XPO4: variants seen among roughly 807,000 people sequenced by gnomAD.
The protein encoded by XPO4 is exportin 4, also known as exportin-4.
Under a neutral mutation model 143.0 loss-of-function variants are expected in XPO4, and 39 were observed. The observed-to-expected ratio is 0.27, with a 90% confidence interval of 0.21 to 0.36. XPO4 has a LOEUF of 0.36. XPO4 is among the 10% of genes least tolerant of loss of function. XPO4 has a pLI of 1.00. For missense variants in XPO4, 907 were observed against 1,348.0 expected, an observed-to-expected ratio of 0.67 and a Z score of 5.12; for synonymous variants, 439 against 474.0, an observed-to-expected ratio of 0.93 and a Z score of 0.96.
intron 3 of XPO4, among the ~76,000 whole-genome samples, chr13:20,858,475 T>C (rs1286948206): frequency 6.6e-6 from 1 of 152,014 alleles, no homozygotes; most frequent in African/African-American, 2.4e-5. Context: ...TGTGACAAAA[T>C]GTTAACTGAG....
chr13:20,786,760 T>C (rs949649317), intron 22 of XPO4, among the ~76,000 whole-genome samples: 1 of 152,142 alleles, frequency 6.6e-6, no homozygotes, highest in East Asian at 1.9e-4. Context: ...AATAAATGCT[T>C]TGAACTGACA....
At chr13:20,859,369 A>G (rs111976996) in intron 3 of XPO4, among the ~76,000 whole-genome samples, 14 of 152,242 alleles carry the variant, frequency 9.2e-5, no homozygotes, top group African/African-American at 3.4e-4. Flanking sequence ...GGTAGGCTGA[A>G]GCAGGCGGAT....
intron 2 of XPO4, chr13:20,865,688 T>A (rs1465507286): frequency 6.5e-6 from 5 of 773,936 alleles, no homozygotes; most frequent in Admixed American, 6.3e-5. Context: ...AAAGTTTTTT[T>A]AAAAAAGAAA....
At chr13:20,843,934 G>A (rs374626886) in intron 4 of XPO4, 48 bp from the exon 5 acceptor site, 15 of 1,402,106 alleles carry the variant, frequency 1.1e-5, no homozygotes, top group African/African-American at 4.2e-5. Context: ...CTGTTTCAAC[G>A]CTTTGTTTCA....
At position 20,796,787 on chromosome 13, in the gene XPO4, T is replaced by A; in HGVS notation, c.2593A>T (p.Lys865Ter). The A allele has an allele frequency of 6.2e-7, 1 of 1,612,982 alleles. No homozygotes were observed. Among genetic ancestry groups the A allele is most frequent in the Non-Finnish European group, 8.5e-7 (1 of 1,179,482 alleles). The part of the protein sequence containing the change: ...IIEVFVEVAH[K>*]QICYLGESKA... ...ACCTCTCCAAGATAGCATATCTGTTTATGTGCAACTTCAACAAAAACTTCT... is the reference window on the plus strand; with the variant it reads ...ACCTCTCCAAGATAGCATATCTGTTAATGTGCAACTTCAACAAAAACTTCT... The change falls in exon 17 of 23, where the codon AAA becomes TAA. Residue 865 changes from lysine (K) to a stop codon, truncating the protein, a stop_gained. Transcript: ENST00000255305. LOFTEE classifies it high-confidence loss of function.
chr13:20,824,790 T>C (rs2059763714), intron 7 of XPO4, among the ~76,000 whole-genome samples: 1 of 152,116 alleles, frequency 6.6e-6, no homozygotes, highest in African/African-American at 2.4e-5. Context: ...GGCAAGGATA[T>C]GCATCAAGAA....
chr13:20,796,257 C>G lies in XPO4; in HGVS notation c.2617-1G>C. On this transcript the variant is annotated splice_acceptor_variant, in intron 17 of 22. Transcript: ENST00000255305. LOFTEE classifies it high-confidence loss of function. Reference sequence around the variant, plus strand: ...CTTCATATAAGTTCATAGCTTTGGACTGAAAAAAAAAAAAATGCACAAATT... The same window carrying G: ...CTTCATATAAGTTCATAGCTTTGGAGTGAAAAAAAAAAAAATGCACAAATT... 1 of 1,537,090 alleles carries G rather than the reference C, an allele frequency of 6.5e-7. No homozygotes were observed. Among genetic ancestry groups the G allele is most frequent in the Non-Finnish European group, 8.7e-7 (1 of 1,147,222 alleles).
chr13:20,790,776 G>T (rs912751361), intron 18 of XPO4, among the ~76,000 whole-genome samples, 196 bp from the exon 19 acceptor site: 3 of 152,204 alleles, frequency 2.0e-5, no homozygotes, highest in East Asian at 1.9e-4. Flanking sequence ...GTGAAAAAAA[G>T]ATCTGAGACC....
At chr13:20,831,927 T>C (rs181621110) in intron 6 of XPO4, among the ~76,000 whole-genome samples, 56 of 151,070 alleles carry the variant, frequency 3.7e-4, no homozygotes, top group African/African-American at 1.1e-3. Context: ...TCTAAGCTCA[T>C]TGCCATCATA....
At chr13:20,792,639 C>A (rs1441221774) in intron 18 of XPO4, among the ~76,000 whole-genome samples, 4 of 146,354 alleles carry the variant, frequency 2.7e-5, no homozygotes, top group Non-Finnish European at 4.5e-5. Flanking sequence ...CCCAGCTACT[C>A]GTAAGGCTGA....
In XPO4 at chr13:20,851,704, G is replaced by A. The variant is rs1426270930; in HGVS notation, c.456+3923C>T. On this transcript the variant is annotated intron_variant, in intron 4 of 22. Coordinates refer to ENST00000255305, the MANE Select transcript of XPO4 (RefSeq NM_022459.5). ...CAGCCGAGGCAACAGAGCAAGACCCGGTCTCACAAAAAAAAAAAAAAAAAA... is the reference window on the plus strand; with the variant it reads ...CAGCCGAGGCAACAGAGCAAGACCCAGTCTCACAAAAAAAAAAAAAAAAAA... 1.3e-4 allele frequency: 114 copies of A among 871,774 alleles called. No homozygotes were observed. In the African/African-American group the frequency reaches 2.6e-3, roughly 20 times the overall value. 54.0% of individuals were successfully genotyped at this position (871,774 alleles called of 1,614,324 possible).
chr13:20,797,879 G>A (rs2059379104), intron 16 of XPO4, among the ~76,000 whole-genome samples: 1 of 152,222 alleles, frequency 6.6e-6, no homozygotes, highest in Non-Finnish European at 1.5e-5. Context: ...GCCGGATGCA[G>A]TGGCTCACAC....
intron 1 of XPO4, among the ~76,000 whole-genome samples, chr13:20,896,008 T>A (rs1413454935): frequency 1.3e-5 from 2 of 152,158 alleles, no homozygotes; most frequent in Non-Finnish European, 2.9e-5. Context: ...AGAAGTGAAA[T>A]AGCTGGGGGT....
rs902851474 is a variant in XPO4 at position 20,779,033 on chromosome 13, A to G, written c.*4689T>C. Reference sequence around the variant, plus strand: ...ATTGCAGCATCTTCTGAAAAACTAAATGCAATTTTATACCTTCATTAGTTA... The same window carrying G: ...ATTGCAGCATCTTCTGAAAAACTAAGTGCAATTTTATACCTTCATTAGTTA... On this transcript the variant is annotated 3_prime_UTR_variant, in exon 23 of 23. Coordinates refer to ENST00000255305, the MANE Select transcript of XPO4 (RefSeq NM_022459.5). 6.6e-6 allele frequency: 1 copy of G among 152,202 alleles called. No homozygotes were observed. Among genetic ancestry groups the G allele is most frequent in the Non-Finnish European group, 1.5e-5 (1 of 68,028 alleles). 9.4% of individuals were successfully genotyped at this position (152,202 alleles called of 1,614,324 possible). A position where few individuals can be genotyped will look rare whatever the true frequency, so the allele number is the denominator to read the frequency against.
intron 9 of XPO4, among the ~76,000 whole-genome samples, chr13:20,813,238 C>T (rs574357759): frequency 3.0e-4 from 45 of 152,252 alleles, no homozygotes; most frequent in African/African-American, 1.0e-3. Context: ...GATTACAATT[C>T]GACATGTGAT....
intron 9 of XPO4, among the ~76,000 whole-genome samples, chr13:20,812,891 T>TG (rs1211793755): frequency 1.3e-5 from 2 of 152,036 alleles, no homozygotes; most frequent in African/African-American, 4.8e-5. Flanking sequence ...AGAAAAAAAG[T>TG]GAAAAAGCCA....
chr13:20,851,151 C>G (rs2060080959), intron 4 of XPO4: 1 of 985,220 alleles, frequency 1.0e-6, no homozygotes, highest in African/African-American at 1.7e-5. Context: ...AAATTCTTAA[C>G]AGTCCAAGAA....
At chr13:20,793,808 C>T (rs1023622752) in intron 18 of XPO4, among the ~76,000 whole-genome samples, 2 of 152,086 alleles carry the variant, frequency 1.3e-5, no homozygotes, top group Non-Finnish European at 2.9e-5. Flanking sequence ...AAAAATATTC[C>T]AAAAATATTA....
At chr13:20,821,606 A>G in intron 9 of XPO4, 98 bp downstream of exon 9, 1 of 1,294,866 alleles carries the variant, frequency 7.7e-7, no homozygotes, top group East Asian at 2.5e-5. Flanking sequence ...AATAGCCAGC[A>G]CTCACTTAAA....
Sources: gnomAD v4.1 joint callset for allele counts (sites outside exome capture counted in the v4.1 genomes callset) on GRCh38, gnomAD v4.1.1 for gene constraint, MANE v1.5 for transcripts, NCBI Gene and HGNC (gene_info 2026-07-23, HGNC 2026-07-21) for gene names.